C1orf116: variants seen among roughly 807,000 people sequenced by gnomAD.
C1orf116 encodes specifically androgen-regulated gene protein.
C1orf116 carries 12 observed loss-of-function variants against 14.1 expected under a neutral mutation model. The observed-to-expected ratio is 0.85, with a 90% CI of 0.54 to 1.38. The LOEUF is 1.38. Ranked by LOEUF, C1orf116 falls within the 40% of genes most tolerant of loss-of-function variation. C1orf116 has a pLI of 0.00. For synonymous variants in C1orf116, 296 were observed against 299.0 expected (o/e 0.99, Z 0.10); for missense variants, 797 against 747.0 (o/e 1.07, Z -0.78).
rs375385107 is a variant in C1orf116 at position 207,022,745 on chromosome 1, A to G, written c.1019T>C (p.Leu340Pro). The G allele has an allele frequency of 1.9e-6, 3 of 1,614,118 alleles. No individual in the cohort carries two copies. In the African/African-American group the frequency reaches 4.0e-5, roughly 22 times the overall value. The stretch of plus-strand genomic sequence containing the variant: ...TTTACGTGCTTTTCTCTGCTCTTGC[A>G]GTGAACAGGAGATCAGGCCAGAATC... ...PGDSGLISCS[L>P]QEQRKARKEA... The change falls in exon 4 of 4, where the codon CTG (leucine) becomes CCG (proline). Residue 340 changes from leucine (L) to proline (P), a missense_variant. Physicochemically the swap from Leu to Pro is moderately conservative, Grantham distance 98. Coordinates refer to ENST00000359470, the MANE Select transcript of C1orf116 (RefSeq NM_023938.6).
At position 207,022,354 on chromosome 1, in the gene C1orf116, G is replaced by A. The variant is rs757173423; in HGVS notation, c.1410C>T (p.Asn470=). The A allele has an allele frequency of 3.7e-6, 6 of 1,613,952 alleles. No homozygotes were observed. The highest frequency in any genetic ancestry group is 1.3e-5 in the African/African-American group (1 of 74,928). The change falls in exon 4 of 4, where the codon AAC becomes AAT. Residue 470 remains asparagine, a synonymous_variant. Coordinates refer to ENST00000359470, the MANE Select transcript of C1orf116 (RefSeq NM_023938.6). ...AGTTCATCTGTCTCAGGCCAGGGGT[G>A]TTGCTCTCCTGGAGAGTCAGCCCTG... is the stretch of plus-strand genomic sequence containing the variant. The part of the protein sequence containing the change: ...PESGLTLQES[N]TPGLRQMNFK...
Position 207,024,892 on chromosome 1 carries a change from G to A in C1orf116, c.278C>T (p.Pro93Leu), listed in dbSNP as rs1413246081. The change falls in exon 3 of 4, where the codon CCC becomes CTC. Residue 93 changes from proline (P) to leucine (L), a missense_variant. Transcript: ENST00000359470. ...CCCCAGAGGGTCTGCCTTACCCCGG[G>A]GAGTGGGTTGGGTTATGGGCAGTGC... ...FRALPITQPT[P>L]RGGPEETITQ... 1.2e-6 allele frequency: 2 copies of A among 1,611,208 alleles called. No individual in the cohort carries two copies. The highest frequency in any genetic ancestry group is 1.3e-5 in the African/African-American group (1 of 74,964).
rs904676486 is a variant in C1orf116 at position 207,023,193 on chromosome 1, G to T, written c.571C>A (p.Leu191Ile). ...QAPASPQEAA[L>I]DLDVVLIPPP... ...GGGATGAGCACCACGTCCAAGTCAAGGGCAGCCTCCTGGGGGCTGGCAGGT... is the reference window on the plus strand; with the variant it reads ...GGGATGAGCACCACGTCCAAGTCAATGGCAGCCTCCTGGGGGCTGGCAGGT... Residue 191 changes from leucine to isoleucine, a missense_variant, in exon 4 of 4, where the codon CTT (leucine) becomes ATT (isoleucine). Leu to Ile is a conservative substitution (Grantham distance 5). Transcript: ENST00000359470. 6.2e-7 allele frequency: 1 copy of T among 1,608,950 alleles called. No homozygotes were observed.
chr1:207,024,202 C>T (rs1364450668), intron 3 of C1orf116, among the ~76,000 whole-genome samples: 1 of 152,208 alleles, frequency 6.6e-6, no homozygotes, highest in Non-Finnish European at 1.5e-5. Flanking sequence ...GCAGGAAAGC[C>T]CTACGTCCCC....
intron 1 of C1orf116, among the ~76,000 whole-genome samples, chr1:207,031,660 C>T (rs1356523849): frequency 1.3e-5 from 2 of 152,212 alleles, no homozygotes; most frequent in Non-Finnish European, 2.9e-5. Flanking sequence ...CTACATCTGC[C>T]TTCCTTCTGC....
chr1:207,027,603 C>T lies in C1orf116; in HGVS notation c.-5G>A, dbSNP rs764730002. On this transcript the variant is annotated 5_prime_UTR_variant, in exon 2 of 4. Coordinates refer to ENST00000359470, the MANE Select transcript of C1orf116 (RefSeq NM_023938.6). ...CCACAGCTCCCTCTCGGGCATCACC[C>T]GAAACAAGGTGCAGGGATGGCAAAG... 15 of 1,611,548 alleles carry T rather than the reference C, an allele frequency of 9.3e-6. No individual in the cohort carries two copies. Among genetic ancestry groups the T allele is most frequent in the South Asian group, 3.3e-5 (3 of 91,088 alleles).
Position 207,027,468 on chromosome 1 carries a change from G to T in C1orf116, c.105+26C>A, listed in dbSNP as rs765798596. The stretch of plus-strand genomic sequence containing the variant: ...GGCAGGTGTGCAGAGAGCAGACCAG[G>T]TTGCGGGAGGGAGAGTATTACGTAC... On this transcript the variant is annotated intron_variant, in intron 2 of 3. Transcript: ENST00000359470. 2.0e-4 allele frequency: 323 copies of T among 1,613,370 alleles called. 5 individuals are homozygous for T. The Middle Eastern group carries it at 2.1e-3, about 11-fold the overall frequency.
Position 207,023,445 on chromosome 1 carries a change from T to C in C1orf116, c.319A>G (p.Thr107Ala), listed in dbSNP as rs35299018. ...CTGGACTCAGTTACTGTCCTTGGCG[T>C]TCGTCCTTGCTGAGTGATGGTCTCC... ...PEETITQQGR[T>A]PRTVTESSSS... is the part of the protein sequence containing the mutation. Residue 107 changes from threonine to alanine, a missense_variant, in exon 4 of 4, where the codon ACG becomes GCG. Transcript: ENST00000359470. 30,496 of 1,613,152 alleles carry C rather than the reference T, an allele frequency of 0.019. 4,206 individuals are homozygous for C. In the African/African-American group the frequency reaches 0.33, roughly 17 times the overall value.
At position 207,029,593 on chromosome 1, in the gene C1orf116, CT is replaced by C. The variant is rs1484006711; in HGVS notation, c.-81-1915del. Reference sequence around the variant, plus strand: ...AATGCCGAATGAATGAACTTGCCATCTGTTCTAGGGTCTATTAGGTTGAGCT... The same window carrying C: ...AATGCCGAATGAATGAACTTGCCATCGTTCTAGGGTCTATTAGGTTGAGCT... On this transcript the variant is annotated intron_variant, in intron 1 of 3. Transcript: ENST00000359470. 6.6e-5 allele frequency among the ~76,000 whole-genome samples: 10 copies of C among 152,302 alleles called. No individual in the cohort carries two copies. The East Asian group carries it at 1.9e-3, about 29-fold the overall frequency.
At chr1:207,028,135 CAGTT>C (rs1004810737) in intron 1 of C1orf116, among the ~76,000 whole-genome samples, 2 of 152,186 alleles carry the variant, frequency 1.3e-5, no homozygotes, top group African/African-American at 4.8e-5. Context: ...AATGAGAGAA[CAGTT>C]AGCACAGTTT....
rs1395481268 is a variant in C1orf116 at position 207,019,602 on chromosome 1, T to A, written c.*2356A>T. On this transcript the variant is annotated 3_prime_UTR_variant, in exon 4 of 4. Coordinates refer to ENST00000359470, the MANE Select transcript of C1orf116 (RefSeq NM_023938.6). ...AGGCGGATGTCCTCACTGGGCCCTC[T>A]TGCATCTCTTCAAAATGGGAATGAC... is the stretch of plus-strand genomic sequence containing the variant. The A allele has an allele frequency of 6.6e-6, 1 of 152,222 alleles. No individual in the cohort carries two copies. The highest frequency in any genetic ancestry group is 1.9e-4 in the East Asian group (1 of 5,188). The allele number at this position is 152,222 out of a possible 1,614,324, so 9.4% of individuals were successfully genotyped here. A position where few individuals can be genotyped will look rare whatever the true frequency, so the allele number is the denominator to read the frequency against.
Position 207,021,062 on chromosome 1 carries a change from G to A in C1orf116, c.*896C>T, listed in dbSNP as rs1430338959. 2.0e-5 allele frequency: 3 copies of A among 152,264 alleles called. No homozygotes were observed. Among genetic ancestry groups the A allele is most frequent in the Non-Finnish European group, 1.5e-5 (1 of 68,036 alleles). 9.4% of individuals were successfully genotyped at this position (152,264 alleles called of 1,614,324 possible). A position where few individuals can be genotyped will look rare whatever the true frequency, so the allele number is the denominator to read the frequency against. ...CATCAGCACAGAGAAGATCTGAAAC[G>A]GTTCTTGGGTGTTTATAAAGCCCGT... On this transcript the variant is annotated 3_prime_UTR_variant, in exon 4 of 4. Transcript: ENST00000359470.
intron 1 of C1orf116, 108 bp from the exon 2 acceptor site, chr1:207,027,787 A>T (rs1203147379): frequency 7.8e-7 from 1 of 1,289,274 alleles, no homozygotes; most frequent in East Asian, 2.6e-5. Context: ...GAGAGCTGGA[A>T]GGGGGGCATG....
In C1orf116 at chr1:207,025,000, G is replaced by T. The variant is rs750528994; in HGVS notation, c.170C>A (p.Thr57Asn). 6.2e-7 allele frequency: 1 copy of T among 1,607,074 alleles called. No individual in the cohort carries two copies. The change falls in exon 3 of 4, where the codon ACC (threonine) becomes AAC (asparagine). Residue 57 changes from threonine to asparagine, a missense_variant. By Grantham distance (65) the Thr-to-Asn change is moderately conservative (BLOSUM62 0). Coordinates refer to ENST00000359470, the MANE Select transcript of C1orf116 (RefSeq NM_023938.6). ...AGCCTCCGTGTCCAGTGAGCCAATGGTCTCCTCCAGGAAGAGCAGACACTC... is the reference window on the plus strand; with the variant it reads ...AGCCTCCGTGTCCAGTGAGCCAATGTTCTCCTCCAGGAAGAGCAGACACTC... ...EKECLLFLEE[T>N]IGSLDTEADS... is the part of the protein sequence containing the mutation.
rs1299631186 is a variant in C1orf116, at chr1:207,022,681, A to C, written c.1083T>G (p.Asp361Glu). 5 of 1,613,922 alleles carry C rather than the reference A, an allele frequency of 3.1e-6. No homozygotes were observed. Among genetic ancestry groups the C allele is most frequent in the Non-Finnish European group, 4.2e-6 (5 of 1,180,014 alleles). Residue 361 changes from aspartate (D) to glutamate (E), a missense_variant, in exon 4 of 4, where the codon GAT becomes GAG. Coordinates refer to ENST00000359470, the MANE Select transcript of C1orf116 (RefSeq NM_023938.6). ...LEKLGLPQDQ[D>E]EPGLHLSKPT... is the part of the protein sequence containing the mutation. The stretch of plus-strand genomic sequence containing the variant: ...GCTTACTTAAGTGGAGTCCAGGCTC[A>C]TCTTGATCCTGGGGTAGCCCCAGCT...
intron 1 of C1orf116, among the ~76,000 whole-genome samples, chr1:207,032,181 G>A (rs1426182548): frequency 6.6e-5 from 10 of 152,072 alleles, no homozygotes; most frequent in African/African-American, 2.2e-4. Context: ...TGTTACAGTC[G>A]CTATGGAAAA....
At position 207,031,137 on chromosome 1, in the gene C1orf116, G is replaced by T. The variant is rs144345755; in HGVS notation, c.-82+1442C>A. On this transcript the variant is annotated intron_variant, in intron 1 of 3. Coordinates refer to ENST00000359470, the MANE Select transcript of C1orf116 (RefSeq NM_023938.6). ...CCTGTCTTTCAATCCAGGTGTCTTTGCTTCTTGTTGACTACCCAGAAATGT... is the reference window on the plus strand; with the variant it reads ...CCTGTCTTTCAATCCAGGTGTCTTTTCTTCTTGTTGACTACCCAGAAATGT... Among the ~76,000 whole-genome samples the T allele has an allele frequency of 2.7e-3, 407 of 152,270 alleles. 4 individuals carry two copies. Among genetic ancestry groups the T allele is most frequent in the African/African-American group, 9.3e-3 (385 of 41,542 alleles).
At position 207,023,109 on chromosome 1, in the gene C1orf116, C is replaced by T. The variant is rs182449382; in HGVS notation, c.655G>A (p.Glu219Lys). 233 of 1,612,604 alleles carry T rather than the reference C, an allele frequency of 1.4e-4. 2 individuals carry two copies. The East Asian group carries it at 3.4e-3, about 24-fold the overall frequency. The change falls in exon 4 of 4, where the codon GAG becomes AAG. Residue 219 changes from glutamate (E) to lysine (K), a missense_variant. Coordinates refer to ENST00000359470, the MANE Select transcript of C1orf116 (RefSeq NM_023938.6). Reference sequence around the variant, plus strand: ...GTGTGGCCCTGCTGTCCTGGCCCCTCGGGCAGGCTGGCTTCCCTACACTGC... The same window carrying T: ...GTGTGGCCCTGCTGTCCTGGCCCCTTGGGCAGGCTGGCTTCCCTACACTGC... ...PEQCREASLP[E>K]GPGQQGHTPQ... is the part of the protein sequence containing the mutation.
chr1:207,022,020 T>C lies in C1orf116; in HGVS notation c.1744A>G (p.Lys582Glu), dbSNP rs1322996156. The C allele has an allele frequency of 6.3e-7, 1 of 1,580,174 alleles. No homozygotes were observed. Among genetic ancestry groups the C allele is most frequent in the Non-Finnish European group, 8.6e-7 (1 of 1,165,786 alleles). The stretch of plus-strand genomic sequence containing the variant: ...CTTCTGTGTTCATTGGGGACACCCT[T>C]TGGGGAGATCTTGACACTGACACAG... ...PPCVSVKISP[K>E]GVPNEHRREA... The change falls in exon 4 of 4, where the codon AAG (lysine) becomes GAG (glutamate). Residue 582 changes from lysine (K) to glutamate (E), a missense_variant. Lys to Glu is a moderately conservative substitution (Grantham distance 56, BLOSUM62 1). Transcript: ENST00000359470.
Sources: allele counts gnomAD v4.1 joint callset (sites outside exome capture counted in the v4.1 genomes callset), GRCh38; gene constraint gnomAD v4.1.1; transcripts MANE v1.5; gene names NCBI Gene and HGNC (gene_info 2026-07-23, HGNC 2026-07-21).